The following SEC24B variants were observed in gnomAD, a reference collection of about 807,000 sequenced individuals.
SEC24B encodes SEC24 homolog B, COPII component, also known as protein transport protein Sec24B.
SEC24B carries 45 observed loss-of-function variants against 142.8 expected under a neutral mutation model. The observed-to-expected ratio is 0.32, with a 90% CI of 0.25 to 0.40. SEC24B has a LOEUF of 0.40. Ranked by LOEUF, SEC24B falls within the 10% of genes least tolerant of loss-of-function variation. The probability of loss-of-function intolerance (pLI) is 1.00; values close to 1 mark genes in which losing one functional copy is unlikely to be tolerated. For synonymous variants in SEC24B, 574 were observed against 568.2 expected (o/e 1.01, Z -0.15); for missense variants, 1,409 against 1,526.8 (o/e 0.92, Z 1.29).
chr4:109,510,948 T>C (rs1201746804), intron 8 of SEC24B, among the ~76,000 whole-genome samples: 1 of 152,084 alleles, frequency 6.6e-6, no homozygotes, highest in Non-Finnish European at 1.5e-5. Context: ...CTTGTGAAGC[T>C]TACTTTACTA....
intron 1 of SEC24B, among the ~76,000 whole-genome samples, chr4:109,450,420 G>T (rs1236823881): frequency 6.6e-6 from 1 of 152,028 alleles, no homozygotes; most frequent in Non-Finnish European, 1.5e-5. Context: ...AATACTTTGG[G>T]AGGCAGAGGC....
chr4:109,526,789 T>A (rs181301132), intron 17 of SEC24B, among the ~76,000 whole-genome samples: 1 of 152,232 alleles, frequency 6.6e-6, no homozygotes, highest in Admixed American at 6.5e-5. Context: ...ATGAGTGATA[T>A]AGCGTATGTT....
rs1182394246 is a variant in SEC24B, at chr4:109,492,878, C to CT, written c.1246+1487dup. On this transcript the variant is annotated intron_variant, in intron 5 of 23. Coordinates refer to ENST00000265175, the MANE Select transcript of SEC24B (RefSeq NM_006323.5). ...TACAGGTGCACACCACCATATCCAG[C>CT]TTTTTTTTTTTTTTTTCTTTTCATA... Among the ~76,000 whole-genome samples, 1,310 of 138,808 alleles carry CT rather than the reference C, an allele frequency of 9.4e-3. 14 individuals are homozygous for CT. The highest frequency in any genetic ancestry group is 0.016 in the African/African-American group (608 of 38,174). 91.1% of individuals were successfully genotyped at this position (138,808 alleles called of 152,430 possible). A position where few individuals can be genotyped will look rare whatever the true frequency, so the allele number is the denominator to read the frequency against.
At chr4:109,476,961 C>A (rs974005415) in intron 3 of SEC24B, among the ~76,000 whole-genome samples, 5 of 151,424 alleles carry the variant, frequency 3.3e-5, no homozygotes, top group Non-Finnish European at 7.4e-5. Flanking sequence ...AACGGTGAAA[C>A]CCCGTCTCTA....
intron 6 of SEC24B, among the ~76,000 whole-genome samples, chr4:109,501,839 AG>A (rs1377593988): frequency 6.6e-6 from 1 of 152,242 alleles, no homozygotes; most frequent in East Asian, 1.9e-4. Context: ...ACTCTGTGGC[AG>A]TACTATTCTA....
intron 2 of SEC24B, 125 bp downstream of exon 2, chr4:109,463,769 T>A: frequency 7.1e-7 from 1 of 1,407,624 alleles, no homozygotes; most frequent in Non-Finnish European, 9.4e-7. Flanking sequence ...TGCTAATTTA[T>A]TGTGGCTTTT....
chr4:109,532,386 C>T (rs1725024991), intron 20 of SEC24B, among the ~76,000 whole-genome samples: 1 of 151,308 alleles, frequency 6.6e-6, no homozygotes. Context: ...GTAATATATT[C>T]TGACCCCACC....
At chr4:109,462,756 C>T in intron 1 of SEC24B, 145 bp from the exon 2 acceptor site, 2 of 669,272 alleles carry the variant, frequency 3.0e-6, no homozygotes, top group East Asian at 5.4e-5. Context: ...AGGCAGGCTA[C>T]CATAATGGGT....
chr4:109,457,738 T>C (rs1730825610), intron 1 of SEC24B, among the ~76,000 whole-genome samples: 1 of 152,258 alleles, frequency 6.6e-6, no homozygotes, highest in Non-Finnish European at 1.5e-5. Context: ...TTCCTTGGCT[T>C]GTGGCTACAT....
In SEC24B at chr4:109,463,086, G is replaced by C; in HGVS notation, c.319G>C (p.Val107Leu). The change falls in exon 2 of 24, where the codon GTG becomes CTG. Residue 107 changes from valine to leucine, a missense_variant. Physicochemically the swap from Val to Leu is conservative, Grantham distance 32 (BLOSUM62 1). This residue lies in a region of SEC24B where 709 missense variants were observed against 673.5 expected (regional missense o/e 1.05). Transcript: ENST00000265175. Reference protein sequence around the residue: ...VPTQNVTPNTVNQQPGAQQLY... With the variant: ...VPTQNVTPNTLNQQPGAQQLY... Reference sequence around the variant, plus strand: ...AACACAAAATGTGACTCCTAACACAGTGAACCAGCAACCAGGAGCACAGCA... The same window carrying C: ...AACACAAAATGTGACTCCTAACACACTGAACCAGCAACCAGGAGCACAGCA... 6.2e-7 allele frequency: 1 copy of C among 1,614,170 alleles called. No homozygotes were observed. The highest frequency in any genetic ancestry group is 8.5e-7 in the Non-Finnish European group (1 of 1,180,040).
chr4:109,486,587 G>T (rs1734378796), intron 4 of SEC24B, among the ~76,000 whole-genome samples: 2 of 152,142 alleles, frequency 1.3e-5, no homozygotes, highest in Admixed American at 6.5e-5. Context: ...AAGAATGAGA[G>T]AAAATTATTT....
Position 109,463,219 on chromosome 4 carries a change from C to A in SEC24B, c.452C>A (p.Pro151Gln). 1 of 1,614,178 alleles carries A rather than the reference C, an allele frequency of 6.2e-7. No homozygotes were observed. The highest frequency in any genetic ancestry group is 1.3e-5 in the African/African-American group (1 of 75,042). Residue 151 changes from proline to glutamine, a missense_variant, in exon 2 of 24, where the codon CCA (proline) becomes CAA (glutamine). This residue lies in a region of SEC24B where 709 missense variants were observed against 673.5 expected (regional missense o/e 1.05). Transcript: ENST00000265175. ...CATTTGCATACGAGTGCCTCCCAAC[C>A]ATACTCCTCTTTTGTGAATCACTAC... ...ASHLHTSASQPYSSFVNHYNS... is the reference protein window; with the variant it reads ...ASHLHTSASQQYSSFVNHYNS...
At chr4:109,516,765 A>C (rs998516222) in intron 11 of SEC24B, 125 bp downstream of exon 11, 2 of 510,272 alleles carry the variant, frequency 3.9e-6, no homozygotes, top group Non-Finnish European at 6.9e-6. Flanking sequence ...AAAGAGTACT[A>C]CTTATGTACC....
chr4:109,485,721 T>C (rs1033942795), intron 4 of SEC24B, among the ~76,000 whole-genome samples: 3 of 152,230 alleles, frequency 2.0e-5, no homozygotes, highest in Non-Finnish European at 4.4e-5. Context: ...ATTTCATATG[T>C]ACAGAGGTAA....
intron 22 of SEC24B, among the ~76,000 whole-genome samples, chr4:109,534,044 G>A (rs1055171429): frequency 6.6e-6 from 1 of 150,602 alleles, no homozygotes; most frequent in African/African-American, 2.4e-5. Context: ...TATATTAGTA[G>A]TTCTTTTTTT....
intron 1 of SEC24B, among the ~76,000 whole-genome samples, chr4:109,437,269 G>T (rs1728493485): frequency 6.6e-6 from 1 of 152,022 alleles, no homozygotes; most frequent in Admixed American, 6.6e-5. Flanking sequence ...AGAGTAGAGT[G>T]AAAGAAGTTT....
chr4:109,451,254 A>T (rs1229638251), intron 1 of SEC24B, among the ~76,000 whole-genome samples: 1 of 151,934 alleles, frequency 6.6e-6, no homozygotes, highest in East Asian at 1.9e-4. Flanking sequence ...GTCTTGCTCC[A>T]TTGCCTAGGC....
At chr4:109,522,158 C>T (rs536834506) in intron 14 of SEC24B, among the ~76,000 whole-genome samples, 326 of 151,946 alleles carry the variant, frequency 2.1e-3, no homozygotes, top group Non-Finnish European at 3.8e-3. Context: ...TCACGCCATT[C>T]TCCTGCCTCA....
rs1731448841 is a variant in SEC24B at position 109,463,008 on chromosome 4, T to C, written c.241T>C (p.Leu81=). 6.2e-7 allele frequency: 1 copy of C among 1,614,122 alleles called. No individual in the cohort carries two copies. Among genetic ancestry groups the C allele is most frequent in the South Asian group, 1.1e-5 (1 of 91,084 alleles). ...YSQGPGKMTS[L]PLDTQCGDYY... is the part of the protein sequence containing the mutation. ...TCAAGGACCTGGGAAAATGACCTCA[T>C]TGCCATTGGATACCCAGTGTGGTGA... is the stretch of plus-strand genomic sequence containing the variant. Residue 81 remains leucine, a synonymous_variant, in exon 2 of 24, where the codon TTG becomes CTG. Coordinates refer to ENST00000265175, the MANE Select transcript of SEC24B (RefSeq NM_006323.5).
Sources: gnomAD v4.1 joint callset for allele counts (sites outside exome capture counted in the v4.1 genomes callset) on GRCh38, gnomAD v4.1.1 for gene constraint, gnomAD v4.1.1 regional missense constraint, MANE v1.5 for transcripts, NCBI Gene and HGNC (gene_info 2026-07-23, HGNC 2026-07-21) for gene names.